Variants in PPM1E observed in about 807,000 individuals in gnomAD.
PPM1E encodes protein phosphatase, Mg2+/Mn2+ dependent 1E.
In PPM1E, 20 loss-of-function variants were observed where a neutral mutation model predicts 65.9. The ratio of observed to expected loss-of-function variants is 0.30; its 90% CI spans 0.21 to 0.44. PPM1E has a LOEUF of 0.44. Among genes scored for constraint, PPM1E ranks in the 20% least tolerant of loss-of-function variants. PPM1E has a pLI of 1.00. For missense variants in PPM1E, 713 were observed against 953.1 expected (o/e 0.75, Z 3.32); for synonymous variants, 352 against 374.9 (o/e 0.94, Z 0.70).
rs1342952653 is a variant in PPM1E at position 58,927,190 on chromosome 17, G to C, written c.465-28459G>C. 2.7e-5 allele frequency among the ~76,000 whole-genome samples: 4 copies of C among 146,124 alleles called. No individual in the cohort carries two copies. In the East Asian group the frequency reaches 8.0e-4, roughly 29 times the overall value. ...CGCCCAGGCTGGAGTGCAGTGGCTC[G>C]GTCTCGGCTCACTGCAAGCTCCACC... On this transcript the variant is annotated intron_variant, in intron 1 of 6. Coordinates refer to ENST00000308249, the MANE Select transcript of PPM1E (RefSeq NM_014906.5).
intron 1 of PPM1E, among the ~76,000 whole-genome samples, chr17:58,823,951 C>T (rs976738305): frequency 5.9e-5 from 9 of 151,984 alleles, no homozygotes; most frequent in Admixed American, 3.9e-4. Flanking sequence ...AGGATGATCT[C>T]AATCTCCTGA....
At chr17:58,776,074 C>T (rs1046003434) in intron 1 of PPM1E, among the ~76,000 whole-genome samples, 5 of 151,340 alleles carry the variant, frequency 3.3e-5, no homozygotes, top group Admixed American at 1.3e-4. Flanking sequence ...TGGTGGCTCA[C>T]GCACTTTGGG....
intron 1 of PPM1E, among the ~76,000 whole-genome samples, chr17:58,819,878 A>G (rs1303260883): frequency 6.6e-6 from 1 of 151,948 alleles, no homozygotes. Flanking sequence ...CTCTACTAAA[A>G]CTACAAAAAT....
At chr17:58,772,417 C>T (rs1050060791) in intron 1 of PPM1E, among the ~76,000 whole-genome samples, 1 of 151,312 alleles carries the variant, frequency 6.6e-6, no homozygotes, top group African/African-American at 2.4e-5. Context: ...GATCGTGCTA[C>T]TGCACTCCAG....
chr17:58,938,875 A>G (rs1289355994), intron 1 of PPM1E, among the ~76,000 whole-genome samples: 1 of 135,928 alleles, frequency 7.4e-6, no homozygotes, highest in Non-Finnish European at 1.5e-5. Flanking sequence ...TGCAACCTCC[A>G]CCTCCTGGAT....
intron 1 of PPM1E, among the ~76,000 whole-genome samples, chr17:58,789,882 T>G (rs1404612436): frequency 6.6e-6 from 1 of 152,160 alleles, no homozygotes; most frequent in Non-Finnish European, 1.5e-5. Context: ...TCAAGAAGCC[T>G]AATTTTGTAG....
chr17:58,803,731 GTA>G (rs2050279878), intron 1 of PPM1E, among the ~76,000 whole-genome samples: 1 of 152,134 alleles, frequency 6.6e-6, no homozygotes, highest in Non-Finnish European at 1.5e-5. Context: ...TAAGACAAAA[GTA>G]TACCAAAAAG....
At chr17:58,826,772 C>T (rs1346516190) in intron 1 of PPM1E, among the ~76,000 whole-genome samples, 1 of 151,842 alleles carries the variant, frequency 6.6e-6, no homozygotes, top group Non-Finnish European at 1.5e-5. Flanking sequence ...AATACAGGTG[C>T]ATGCCACCTC....
intron 1 of PPM1E, among the ~76,000 whole-genome samples, chr17:58,784,783 A>G (rs1312793690): frequency 2.0e-5 from 3 of 152,102 alleles, no homozygotes; most frequent in Non-Finnish European, 2.9e-5. Flanking sequence ...TCAGCCTCCC[A>G]AAGTGCTGGG....
At chr17:58,856,416 T>C (rs912649572) in intron 1 of PPM1E, among the ~76,000 whole-genome samples, 16 of 152,154 alleles carry the variant, frequency 1.1e-4, no homozygotes, top group Non-Finnish European at 2.2e-4. Flanking sequence ...TTTTGTATTT[T>C]TAGTAGAGAC....
intron 1 of PPM1E, among the ~76,000 whole-genome samples, chr17:58,898,723 G>A (rs193156114): frequency 2.2e-4 from 33 of 152,078 alleles, no homozygotes; most frequent in East Asian, 1.7e-3. Flanking sequence ...TGTTTATTGC[G>A]GCACTATTCA....
intron 1 of PPM1E, among the ~76,000 whole-genome samples, chr17:58,780,987 A>C (rs1008348812): frequency 6.6e-6 from 1 of 152,142 alleles, no homozygotes; most frequent in Non-Finnish European, 1.5e-5. Flanking sequence ...TTGTGAAAGG[A>C]GTTTTAATTT....
chr17:58,770,263 A>T (rs1489876450), intron 1 of PPM1E, among the ~76,000 whole-genome samples: 1 of 152,148 alleles, frequency 6.6e-6, no homozygotes, highest in Non-Finnish European at 1.5e-5. Context: ...TAAAATACCC[A>T]GTTTATGTTT....
At chr17:58,966,459 G>C (rs1228419239) in intron 3 of PPM1E, 1 of 242,258 alleles carries the variant, frequency 4.1e-6, no homozygotes, top group African/African-American at 2.6e-5. Flanking sequence ...TATTTCTATA[G>C]TATAATCAAA....
chr17:58,760,678 G>C (rs2144135590), intron 1 of PPM1E, among the ~76,000 whole-genome samples: 1 of 152,284 alleles, frequency 6.6e-6, no homozygotes, highest in Admixed American at 6.5e-5. Flanking sequence ...TGCCAAGTCT[G>C]CTCAAGACTT....
At chr17:58,854,248 A>G (rs1164951586) in intron 1 of PPM1E, among the ~76,000 whole-genome samples, 1 of 151,972 alleles carries the variant, frequency 6.6e-6, no homozygotes, top group African/African-American at 2.4e-5. Context: ...TTGTGTGTTG[A>G]CTTTGTATCC....
chr17:58,832,504 A>C (rs1567847618), intron 1 of PPM1E, among the ~76,000 whole-genome samples: 1 of 152,178 alleles, frequency 6.6e-6, no homozygotes, highest in Non-Finnish European at 1.5e-5. Context: ...TGAAACATAC[A>C]ATGATTTTGT....
intron 3 of PPM1E, chr17:58,966,438 A>AC: frequency 3.3e-6 from 1 of 306,700 alleles, no homozygotes; most frequent in South Asian, 2.8e-5. Flanking sequence ...AAAAAAAAAA[A>AC]AAACCCAAAC....
chr17:58,782,220 T>C (rs2050057100), intron 1 of PPM1E, among the ~76,000 whole-genome samples: 1 of 152,094 alleles, frequency 6.6e-6, no homozygotes, highest in Non-Finnish European at 1.5e-5. Context: ...GAAGAAGGCT[T>C]TAAAAAAATT....
Sources: allele counts gnomAD v4.1 joint callset (sites outside exome capture counted in the v4.1 genomes callset), GRCh38; gene constraint gnomAD v4.1.1; transcripts MANE v1.5; gene names NCBI Gene and HGNC (gene_info 2026-07-23, HGNC 2026-07-21).